Variants in UBE4B observed in about 807,000 individuals in gnomAD.
UBE4B encodes ubiquitin conjugation factor E4 B.
UBE4B carries 27 observed loss-of-function variants against 148.1 expected under a neutral mutation model. The ratio of observed to expected loss-of-function variants is 0.18; its 90% CI spans 0.13 to 0.25. The LOEUF is 0.25. Ranked by LOEUF, UBE4B falls within the 10% of genes least tolerant of loss-of-function variation. The probability of loss-of-function intolerance (pLI) is 1.00; values close to 1 mark genes in which losing one functional copy is unlikely to be tolerated. For synonymous variants in UBE4B, 596 were observed against 619.3 expected (o/e 0.96, Z 0.56); for missense variants, 1,170 against 1,662.4 (o/e 0.70, Z 5.15).
intron 21 of UBE4B, among the ~76,000 whole-genome samples, chr1:10,153,745 C>T (rs1044894086): frequency 1.8e-4 from 28 of 151,914 alleles, no homozygotes; most frequent in Admixed American, 1.5e-3. Flanking sequence ...GTCAAGAGAT[C>T]GAGATGAGCC....
intron 3 of UBE4B, among the ~76,000 whole-genome samples, chr1:10,096,677 G>A (rs1644933156): frequency 6.6e-6 from 1 of 151,338 alleles, no homozygotes; most frequent in South Asian, 2.1e-4. Context: ...AACCAAGATT[G>A]TGCCACTGCA....
intron 18 of UBE4B, among the ~76,000 whole-genome samples, chr1:10,146,674 C>T (rs1165779107): frequency 2.0e-5 from 3 of 152,038 alleles, no homozygotes; most frequent in African/African-American, 7.2e-5. Flanking sequence ...CTCCCTGTCG[C>T]CACCCTCTCC....
intron 17 of UBE4B, among the ~76,000 whole-genome samples, chr1:10,142,817 CATA>C (rs1463124823): frequency 6.6e-6 from 1 of 152,094 alleles, no homozygotes. Flanking sequence ...AAGCCAGCAA[CATA>C]GTATCTTTAG....
chr1:10,176,930 C>T (rs1219844851), intron 25 of UBE4B, among the ~76,000 whole-genome samples: 8 of 151,406 alleles, frequency 5.3e-5, no homozygotes, highest in South Asian at 2.1e-4. Flanking sequence ...GGACTACAGG[C>T]GTGCACCATC....
At position 10,106,573 on chromosome 1, in the gene UBE4B, A is replaced by C. The variant is rs369759551; in HGVS notation, c.1186A>C (p.Ile396Leu). Residue 396 changes from isoleucine (I) to leucine (L), a missense_variant, in exon 7 of 28, where the codon ATC becomes CTC. By Grantham distance (5) the Ile-to-Leu change is conservative. Transcript: ENST00000343090. The surrounding 1 kb of genome is among the most constrained non-coding windows in gnomAD (Gnocchi z 4.2). ...GAGCAGACGCCCCTCCTCCCTGAGG[A>C]TCTCTCCTAGGTATTTATCCCACAG... ...ATSRRPSSLR[I>L]SPSLGASGGA... is the part of the protein sequence containing the mutation. 6.4e-7 allele frequency: 1 copy of C among 1,568,978 alleles called. No individual in the cohort carries two copies. The highest frequency in any genetic ancestry group is 8.6e-7 in the Non-Finnish European group (1 of 1,164,686).
chr1:10,120,796 C>G (rs1645397466), intron 9 of UBE4B, among the ~76,000 whole-genome samples: 2 of 151,960 alleles, frequency 1.3e-5, no homozygotes, highest in South Asian at 4.2e-4. Flanking sequence ...TGAGATCACG[C>G]CACTTCACTC....
Position 10,180,365 on chromosome 1 carries a change from A to C in UBE4B, c.*409A>C, listed in dbSNP as rs1571049579. On this transcript the variant is annotated 3_prime_UTR_variant, in exon 28 of 28. Transcript: ENST00000343090. ...AACCTTGGACATTTTGCTGCTAAAG[A>C]ATCTTTTTTCCCCTCTCCCCCTTCC... is the stretch of plus-strand genomic sequence containing the variant. 1.8e-5 allele frequency: 3 copies of C among 164,980 alleles called. No individual in the cohort carries two copies. The highest frequency in any genetic ancestry group is 5.9e-3 in the Middle Eastern group (2 of 340). The allele number at this position is 164,980 out of a possible 1,614,324, so 10.2% of individuals were successfully genotyped here.
At chr1:10,139,326 G>T (rs1372526899) in intron 17 of UBE4B, among the ~76,000 whole-genome samples, 1 of 152,128 alleles carries the variant, frequency 6.6e-6, no homozygotes, top group Non-Finnish European at 1.5e-5. Context: ...GGGAGGCGGA[G>T]GTTGTAGTGA....
chr1:10,167,141 TAAC>T (rs1050859131), intron 23 of UBE4B, among the ~76,000 whole-genome samples: 2 of 145,580 alleles, frequency 1.4e-5, no homozygotes, highest in African/African-American at 2.5e-5. Flanking sequence ...CAAAAAAAAA[TAAC>T]AATAATAATA....
chr1:10,107,177 T>C, intron 7 of UBE4B: 1 of 1,288,810 alleles, frequency 7.8e-7, no homozygotes, highest in South Asian at 1.2e-5. Flanking sequence ...CCCGTCTTGT[T>C]TTTTCTTTGT....
chr1:10,037,227 A>G (rs1643574216), intron 1 of UBE4B, among the ~76,000 whole-genome samples: 1 of 152,094 alleles, frequency 6.6e-6, no homozygotes, highest in African/African-American at 2.4e-5. Context: ...GGGTTTCTCC[A>G]TGTTGGTCAG....
intron 8 of UBE4B, among the ~76,000 whole-genome samples, chr1:10,118,738 A>G (rs181637065): frequency 4.0e-5 from 6 of 151,496 alleles, no homozygotes; most frequent in East Asian, 1.9e-4. Context: ...TCCCGACCTC[A>G]TGTGATCTGC....
At chr1:10,137,006 C>G in intron 16 of UBE4B, 61 bp from the exon 17 acceptor site, 2 of 1,567,924 alleles carry the variant, frequency 1.3e-6, no homozygotes, top group Non-Finnish European at 1.7e-6. Context: ...CTGAATTCAG[C>G]TTTTTCTCTG....
At chr1:10,085,074 A>T (rs1290404047) in intron 2 of UBE4B, among the ~76,000 whole-genome samples, 1 of 152,128 alleles carries the variant, frequency 6.6e-6, no homozygotes, top group Non-Finnish European at 1.5e-5. Flanking sequence ...AAATCTTTGG[A>T]TTCAGAAGAA....
chr1:10,077,886 A>G (rs980107958), intron 2 of UBE4B, among the ~76,000 whole-genome samples: 4 of 152,176 alleles, frequency 2.6e-5, no homozygotes, highest in Non-Finnish European at 5.9e-5. Flanking sequence ...GCCATTCCAG[A>G]TATTTCTTCA....
rs572968078 is a variant in UBE4B at position 10,109,256 on chromosome 1, A to C, written c.1196+2673A>C. 1.4e-3 allele frequency among the ~76,000 whole-genome samples: 212 copies of C among 152,244 alleles called. 1 individual carries two copies. The highest frequency in any genetic ancestry group is 4.2e-3 in the African/African-American group (174 of 41,542). On this transcript the variant is annotated intron_variant, in intron 7 of 27. Coordinates refer to ENST00000343090, the MANE Select transcript of UBE4B (RefSeq NM_001105562.3). ...GGGTCAAAATCATAGAAATGCATTC[A>C]GACTTGAGCATCCTGAATCCAGACT...
At chr1:10,137,231 G>A in intron 17 of UBE4B, 26 bp downstream of exon 17, 1 of 1,612,416 alleles carries the variant, frequency 6.2e-7, no homozygotes, top group Non-Finnish European at 8.5e-7. Flanking sequence ...CCGTGTCCTG[G>A]GATTGCCTGA....
At chr1:10,046,585 G>C (rs554395175) in intron 1 of UBE4B, among the ~76,000 whole-genome samples, 1 of 152,278 alleles carries the variant, frequency 6.6e-6, no homozygotes, top group East Asian at 1.9e-4. Flanking sequence ...GTGAGGTTCT[G>C]ACCTCGCCTT....
intron 1 of UBE4B, among the ~76,000 whole-genome samples, chr1:10,051,698 G>T (rs1644048608): frequency 6.6e-6 from 1 of 151,944 alleles, no homozygotes; most frequent in South Asian, 2.1e-4. Context: ...AGAAGAGTGT[G>T]CAGAAAGGGG....
Sources: allele counts gnomAD v4.1 joint callset (sites outside exome capture counted in the v4.1 genomes callset), GRCh38; gene constraint gnomAD v4.1.1; non-coding constraint Gnocchi (gnomAD v3.1); transcripts MANE v1.5; gene names NCBI Gene and HGNC (gene_info 2026-07-23, HGNC 2026-07-21).